PLCB4: variants seen among roughly 807,000 people sequenced by gnomAD.
PLCB4 encodes phospholipase C beta 4.
In PLCB4, 77 loss-of-function variants were observed where a neutral mutation model predicts 178.8. The observed-to-expected ratio is 0.43, with a 90% CI of 0.36 to 0.52. PLCB4 has a LOEUF of 0.52. Among genes scored for constraint, PLCB4 ranks in the 20% least tolerant of loss-of-function variants. PLCB4 has a pLI of 0.00. For missense variants in PLCB4, 1,024 were observed against 1,453.4 expected (o/e 0.70, Z 4.80); for synonymous variants, 496 against 490.8 (o/e 1.01, Z -0.14).
At chr20:9,415,052 G>T (rs2148534549) in intron 25 of PLCB4, among the ~76,000 whole-genome samples, 1 of 152,280 alleles carries the variant, frequency 6.6e-6, no homozygotes, top group Admixed American at 6.5e-5. Flanking sequence ...ATTAGGCATA[G>T]TAAGAGATTA....
chr20:9,322,835 T>C (rs2094976069), intron 4 of PLCB4, among the ~76,000 whole-genome samples: 2 of 152,222 alleles, frequency 1.3e-5, no homozygotes, highest in Admixed American at 6.5e-5. Context: ...GGGAATGCAT[T>C]TGGAGTTAAA....
intron 3 of PLCB4, among the ~76,000 whole-genome samples, chr20:9,301,053 C>G (rs530858024): frequency 5.3e-5 from 8 of 151,134 alleles, no homozygotes; most frequent in Non-Finnish European, 1.2e-4. Flanking sequence ...CTACATCACT[C>G]TAATCTCTGC....
chr20:9,435,591 A>G lies in PLCB4; in HGVS notation c.2556A>G (p.Lys852=). 2 of 1,608,888 alleles carry G rather than the reference A, an allele frequency of 1.2e-6. No individual in the cohort carries two copies. The highest frequency in any genetic ancestry group is 1.7e-6 in the Non-Finnish European group (2 of 1,175,506). ...DIVDALSDPK[K]FLSITEKRAD... ...TGGATGCTTTATCAGATCCAAAGAA[A>G]TTTCTCTCAATTACAGAAAAGAGAG... Residue 852 remains lysine (K), a synonymous_variant, in exon 29 of 40, where the codon AAA becomes AAG. Transcript: ENST00000378473.
At chr20:9,183,411 G>A (rs1045047866) in intron 2 of PLCB4, among the ~76,000 whole-genome samples, 7 of 152,144 alleles carry the variant, frequency 4.6e-5, no homozygotes, top group African/African-American at 1.7e-4. Context: ...CAGGTAGAGC[G>A]GGAGGCATGG....
chr20:9,332,686 A>C (rs2031858997), intron 4 of PLCB4, among the ~76,000 whole-genome samples: 1 of 151,720 alleles, frequency 6.6e-6, no homozygotes, highest in South Asian at 2.1e-4. Context: ...CCTGGTAAAT[A>C]TTTTTTTTCC....
chr20:9,122,667 A>T (rs966042174), intron 2 of PLCB4, among the ~76,000 whole-genome samples: 1 of 152,186 alleles, frequency 6.6e-6, no homozygotes, highest in Non-Finnish European at 1.5e-5. Flanking sequence ...GCAGGCAGTT[A>T]AAAATCACGC....
At chr20:9,430,018 A>G (rs1175484947) in intron 28 of PLCB4, among the ~76,000 whole-genome samples, 1 of 152,226 alleles carries the variant, frequency 6.6e-6, no homozygotes, top group Non-Finnish European at 1.5e-5. Context: ...GTCTTGAGCC[A>G]CAAATAAAAT....
intron 2 of PLCB4, among the ~76,000 whole-genome samples, chr20:9,143,949 G>T (rs2092545249): frequency 6.6e-6 from 1 of 152,112 alleles, no homozygotes; most frequent in Admixed American, 6.6e-5. Flanking sequence ...AGAATAAACA[G>T]TCTTGAGGGA....
At chr20:9,122,687 G>C (rs748745479) in intron 2 of PLCB4, among the ~76,000 whole-genome samples, 1 of 152,140 alleles carries the variant, frequency 6.6e-6, no homozygotes, top group Non-Finnish European at 1.5e-5. Context: ...CGCATGTAAA[G>C]AAAGGACCAA....
At chr20:9,069,439 C>G (rs983084015) in intron 1 of PLCB4, among the ~76,000 whole-genome samples, 9 of 152,200 alleles carry the variant, frequency 5.9e-5, no homozygotes, top group Non-Finnish European at 8.8e-5. Context: ...TCCTCAGACT[C>G]TCTCCAGACG....
intron 6 of PLCB4, 59 bp downstream of exon 6, chr20:9,338,126 A>G (rs773398330): frequency 7.9e-5 from 91 of 1,157,902 alleles, no homozygotes; most frequent in Middle Eastern, 1.9e-4. Flanking sequence ...GGAAATGGCC[A>G]TGGCTTCTAG....
At chr20:9,305,330 G>A (rs1008432674) in intron 3 of PLCB4, among the ~76,000 whole-genome samples, 1 of 151,392 alleles carries the variant, frequency 6.6e-6, no homozygotes, top group Non-Finnish European at 1.5e-5. Flanking sequence ...ATTTTCTATA[G>A]GAGAACTCTT....
intron 35 of PLCB4, among the ~76,000 whole-genome samples, chr20:9,462,497 G>A (rs970907063): frequency 3.9e-5 from 6 of 152,086 alleles, no homozygotes; most frequent in Admixed American, 6.5e-5. Flanking sequence ...CAAACCCATC[G>A]CAAGGAAGCT....
chr20:9,437,219 T>G, intron 30 of PLCB4, 67 bp downstream of exon 30: 1 of 1,358,942 alleles, frequency 7.4e-7, no homozygotes, highest in Non-Finnish European at 1.0e-6. Context: ...ACAATATCTA[T>G]AGCTTTAGGA....
chr20:9,213,609 T>A (rs190795400), intron 2 of PLCB4, among the ~76,000 whole-genome samples: 1 of 152,220 alleles, frequency 6.6e-6, no homozygotes, highest in Non-Finnish European at 1.5e-5. Context: ...TTATGAATAA[T>A]GCTGCTATGA....
At chr20:9,441,008 T>G (rs988853767) in intron 30 of PLCB4, among the ~76,000 whole-genome samples, 1 of 151,492 alleles carries the variant, frequency 6.6e-6, no homozygotes, top group Admixed American at 6.6e-5. Context: ...CAGTGGGAGG[T>G]GAGGTAAAGT....
chr20:9,305,734 A>G (rs1225187880), intron 3 of PLCB4, among the ~76,000 whole-genome samples: 1 of 152,144 alleles, frequency 6.6e-6, no homozygotes, highest in Non-Finnish European at 1.5e-5. Context: ...AAATAACTAC[A>G]TTTTTCTCCT....
chr20:9,209,611 G>C (rs1198393071), intron 2 of PLCB4, among the ~76,000 whole-genome samples: 1 of 152,156 alleles, frequency 6.6e-6, no homozygotes, highest in Non-Finnish European at 1.5e-5. Context: ...CATGTGACAA[G>C]GAGTGTTGAT....
chr20:9,205,350 T>C (rs538617362), intron 2 of PLCB4, among the ~76,000 whole-genome samples: 1 of 152,356 alleles, frequency 6.6e-6, no homozygotes, highest in South Asian at 2.1e-4. Flanking sequence ...GTATGTTAAA[T>C]GTATTTTTGA....
Sources: allele counts gnomAD v4.1 joint callset (sites outside exome capture counted in the v4.1 genomes callset), GRCh38; gene constraint gnomAD v4.1.1; transcripts MANE v1.5; gene names NCBI Gene and HGNC (gene_info 2026-07-23, HGNC 2026-07-21).